Variants in LARP4B observed in about 807,000 individuals in gnomAD.
LARP4B encodes the protein la-related protein 4B.
LARP4B carries 12 observed loss-of-function variants against 89.8 expected under a neutral mutation model. The observed-to-expected ratio is 0.13, with a 90% CI of 0.09 to 0.22. LARP4B has a LOEUF of 0.22. Among genes scored for constraint, LARP4B ranks in the 10% least tolerant of loss-of-function variants. LARP4B has a pLI of 1.00. For synonymous variants in LARP4B, 367 were observed against 363.3 expected, an observed-to-expected ratio of 1.01 and a Z score of -0.12; for missense variants, 757 against 947.7, an observed-to-expected ratio of 0.80 and a Z score of 2.64.
At chr10:982,187 C>G in the LARP4B span, among the ~76,000 whole-genome samples, 1 of 148,006 alleles carries the variant, frequency 6.8e-6, no homozygotes. Context: ...ACAATCTTGG[C>G]TCACTGCAAC....
intron 1 of LARP4B, among the ~76,000 whole-genome samples, chr10:905,322 C>A (rs12770190): frequency 6.6e-6 from 1 of 152,132 alleles, no homozygotes; most frequent in Non-Finnish European, 1.5e-5. Flanking sequence ...TTATTTTACA[C>A]ATGCATTAAT....
intron 1 of LARP4B, among the ~76,000 whole-genome samples, chr10:916,668 C>T (rs547332953): frequency 1.3e-5 from 2 of 152,268 alleles, no homozygotes; most frequent in African/African-American, 4.8e-5. Flanking sequence ...GCACTCCAGC[C>T]TGGGCAACAA....
intron 3 of LARP4B, among the ~76,000 whole-genome samples, chr10:882,184 T>C (rs978104451): frequency 3.3e-5 from 5 of 152,188 alleles, no homozygotes; most frequent in Admixed American, 6.5e-5. Flanking sequence ...TCAGTAAATC[T>C]ACTAAAAATA....
the LARP4B span, chr10:988,269 G>A: frequency 8.9e-6 from 5 of 564,698 alleles, no homozygotes; most frequent in East Asian, 3.1e-5. Context: ...CTGTACCCTC[G>A]CTCCTGAGGC....
chr10:932,348 AC>A (rs1830662702), upstream of LARP4B, among the ~76,000 whole-genome samples: 8 of 127,438 alleles, frequency 6.3e-5, no homozygotes, highest in African/African-American at 2.5e-4. Context: ...CCTGCCCCGA[AC>A]TCCCACCCCA....
intron 15 of LARP4B, among the ~76,000 whole-genome samples, chr10:817,193 G>C (rs1321947821): frequency 6.6e-6 from 1 of 152,208 alleles, no homozygotes; most frequent in African/African-American, 2.4e-5. Context: ...GTGCTGGGCT[G>C]AGTGTCCTCT....
At chr10:957,139 C>G in the LARP4B span, among the ~76,000 whole-genome samples, 1 of 152,112 alleles carries the variant, frequency 6.6e-6, no homozygotes, top group East Asian at 1.9e-4. Context: ...TCTGGTCCTT[C>G]TCCTGAACCC....
At chr10:901,137 G>A (rs1418417728) in intron 1 of LARP4B, among the ~76,000 whole-genome samples, 3 of 147,326 alleles carry the variant, frequency 2.0e-5, no homozygotes, top group Admixed American at 6.8e-5. Flanking sequence ...GCCTGGTTTC[G>A]AACTCCTGAC....
chr10:868,726 A>T (rs1564419506), intron 3 of LARP4B, among the ~76,000 whole-genome samples: 1 of 152,050 alleles, frequency 6.6e-6, no homozygotes, highest in Non-Finnish European at 1.5e-5. Context: ...CTCCAGAAAA[A>T]CTCCCAGTGT....
At chr10:813,334 T>A in intron 17 of LARP4B, 121 bp from the exon 18 acceptor site, 1 of 976,028 alleles carries the variant, frequency 1.0e-6, no homozygotes, top group South Asian at 1.8e-5. Context: ...TCTTCACTAG[T>A]GTTTTTAACT....
chr10:931,066 C>T (rs1343827314), intron 1 of LARP4B, among the ~76,000 whole-genome samples: 1 of 151,062 alleles, frequency 6.6e-6, no homozygotes, highest in African/African-American at 2.4e-5. Flanking sequence ...GCACCCAGCT[C>T]CGTCGACTCC....
intron 1 of LARP4B, among the ~76,000 whole-genome samples, chr10:927,949 A>T (rs1391987621): frequency 1.3e-5 from 2 of 152,192 alleles, no homozygotes; most frequent in Non-Finnish European, 2.9e-5. Flanking sequence ...GCCGTGGCTC[A>T]CGCCTGCAAT....
chr10:895,715 A>AT (rs1836169683), intron 1 of LARP4B, among the ~76,000 whole-genome samples: 1 of 151,866 alleles, frequency 6.6e-6, no homozygotes, highest in Non-Finnish European at 1.5e-5. Context: ...CGAATGCAGT[A>AT]TGTTACAATT....
chr10:864,165 A>T lies in LARP4B; in HGVS notation c.247T>A (p.Trp83Arg). 1 of 1,614,178 alleles carries T rather than the reference A, an allele frequency of 6.2e-7. No individual in the cohort carries two copies. The highest frequency in any genetic ancestry group is 1.1e-5 in the South Asian group (1 of 91,088). The change falls in exon 4 of 18, where the codon TGG becomes AGG. Residue 83 changes from tryptophan (W) to arginine (R), a missense_variant. By Grantham distance (101) the Trp-to-Arg change is moderately radical (BLOSUM62 -3). Around this residue, in one of 5 missense-constraint regions of LARP4B, gnomAD observed 175 missense variants for 187.0 expected, o/e 0.94. Transcript: ENST00000316157. ...SSAADGVSAA[W>R]EEVAGHHADR... Reference sequence around the variant, plus strand: ...GCGTGGTGGCCAGCCACCTCCTCCCATGCAGCACTCACACCGTCAGCAGCA... The same window carrying T: ...GCGTGGTGGCCAGCCACCTCCTCCCTTGCAGCACTCACACCGTCAGCAGCA...
the LARP4B span, among the ~76,000 whole-genome samples, chr10:956,035 G>T: frequency 3.9e-5 from 6 of 152,298 alleles, no homozygotes; most frequent in African/African-American, 1.4e-4. This position sits in a 1 kb window ranked among gnomAD's most constrained non-coding sequence, Gnocchi z 4.3. Context: ...CCCCACAGAG[G>T]TGGGGACACA....
At chr10:817,086 G>C (rs895891695) in intron 15 of LARP4B, among the ~76,000 whole-genome samples, 1 of 152,204 alleles carries the variant, frequency 6.6e-6, no homozygotes, top group African/African-American at 2.4e-5. Flanking sequence ...TAGGTAACTG[G>C]GCAGAAAACT....
At chr10:981,372 C>T in the LARP4B span, among the ~76,000 whole-genome samples, 1 of 152,188 alleles carries the variant, frequency 6.6e-6, no homozygotes, top group African/African-American at 2.4e-5. Context: ...TTTCAGGTAT[C>T]TTTATAGCAA....
At chr10:862,256 T>A (rs1223735933) in intron 5 of LARP4B, among the ~76,000 whole-genome samples, 2 of 84,412 alleles carry the variant, frequency 2.4e-5, no homozygotes, top group African/African-American at 5.2e-5. Flanking sequence ...CCACTGAAGT[T>A]AAAAAAAAAA....
intron 1 of LARP4B, among the ~76,000 whole-genome samples, chr10:923,023 G>A (rs893565499): frequency 1.1e-4 from 16 of 152,066 alleles, no homozygotes; most frequent in East Asian, 3.9e-4. Context: ...TCCAGTGAGC[G>A]GAGACTGTGC....
Sources: allele counts gnomAD v4.1 joint callset (sites outside exome capture counted in the v4.1 genomes callset), GRCh38; gene constraint gnomAD v4.1.1; regional missense constraint gnomAD v4.1.1; non-coding constraint Gnocchi (gnomAD v3.1); transcripts MANE v1.5; gene names NCBI Gene and HGNC (gene_info 2026-07-23, HGNC 2026-07-21).